Variants in KIF20B observed in about 807,000 individuals in gnomAD.
KIF20B encodes kinesin family member 20B.
Under a neutral mutation model 232.5 loss-of-function variants are expected in KIF20B, and 188 were observed. That is an observed-to-expected ratio of 0.81 (90% CI 0.72 to 0.91). KIF20B has a LOEUF of 0.91. Among genes scored for constraint, KIF20B ranks in the 40% least tolerant of loss-of-function variants. KIF20B has a pLI of 0.00. For synonymous variants in KIF20B, 712 were observed against 683.0 expected, an observed-to-expected ratio of 1.04 and a Z score of -0.66; for missense variants, 2,154 against 2,055.9, an observed-to-expected ratio of 1.05 and a Z score of -0.92.
chr10:89,747,181 A>G (rs1407147797), intron 23 of KIF20B, among the ~76,000 whole-genome samples: 2 of 152,228 alleles, frequency 1.3e-5, no homozygotes, highest in Non-Finnish European at 1.5e-5. Flanking sequence ...CAAAACCACA[A>G]TGAGATATCA....
intron 21 of KIF20B, among the ~76,000 whole-genome samples, chr10:89,740,844 T>C (rs1388640634): frequency 6.6e-6 from 1 of 152,070 alleles, no homozygotes; most frequent in Non-Finnish European, 1.5e-5. Flanking sequence ...TTTATTGTAT[T>C]GTTAAAGTCT....
chr10:89,773,902 A>G, intron 32 of KIF20B, 69 bp from the exon 33 acceptor site: 1 of 949,354 alleles, frequency 1.1e-6, no homozygotes, highest in Non-Finnish European at 1.6e-6. Context: ...TGTCTTACTC[A>G]TTATAAACAA....
chr10:89,738,231 A>G lies in KIF20B; in HGVS notation c.3390A>G (p.Glu1130=), dbSNP rs750396763. Residue 1130 remains glutamate (E), a synonymous_variant, in exon 20 of 33, where the codon GAA becomes GAG. Transcript: ENST00000371728. ...LIQQLKEELQ[E]KNVTLDVQIQ... ...AGCAGCTGAAAGAAGAATTGCAAGA[A>G]AAAAATGTTACTCTTGATGTTCAAA... 7.5e-6 allele frequency: 12 copies of G among 1,602,568 alleles called. No individual in the cohort carries two copies. Among genetic ancestry groups the G allele is most frequent in the Non-Finnish European group, 1.0e-5 (12 of 1,177,520 alleles).
chr10:89,769,708 A>C (rs531967417), intron 31 of KIF20B, among the ~76,000 whole-genome samples: 22 of 152,018 alleles, frequency 1.4e-4, no homozygotes, highest in African/African-American at 5.3e-4. Context: ...TGCGGAAGGA[A>C]TGGTTTTAAC....
intron 25 of KIF20B, among the ~76,000 whole-genome samples, chr10:89,753,670 G>A (rs981941181): frequency 1.3e-5 from 2 of 152,102 alleles, no homozygotes; most frequent in Admixed American, 1.3e-4. Flanking sequence ...TGCCAGGCTG[G>A]AGTGCAGTGA....
rs1023747620 is a variant in KIF20B at position 89,758,765 on chromosome 10, A to G, written c.4563A>G (p.Glu1521=). Residue 1521 remains glutamate, a synonymous_variant, in exon 27 of 33, where the codon GAA becomes GAG. Coordinates refer to ENST00000371728, the MANE Select transcript of KIF20B (RefSeq NM_001284259.2). The part of the protein sequence containing the change: ...KDSDLQKWRE[E]RDQLVAALEI... ...GTGACCTTCAAAAGTGGCGAGAAGA[A>G]CGAGATCAACTGGTTGCAGCTTTAG... 1.9e-6 allele frequency: 3 copies of G among 1,608,550 alleles called. No individual in the cohort carries two copies. In the African/African-American group the frequency reaches 4.0e-5, roughly 22 times the overall value.
chr10:89,709,212 A>T lies in KIF20B; in HGVS notation c.193A>T (p.Ile65Leu). Reference protein sequence around the residue: ...SKDYLQVCLRIRPFTQSEKEL... With the variant: ...SKDYLQVCLRLRPFTQSEKEL... Reference sequence around the variant, plus strand: ...AGATTATCTCCAGGTTTGTCTTCGAATAAGACCATTTACACAGTCAGAAAA... The same window carrying T: ...AGATTATCTCCAGGTTTGTCTTCGATTAAGACCATTTACACAGTCAGAAAA... Residue 65 changes from isoleucine to leucine, a missense_variant, in exon 3 of 33, where the codon ATA (isoleucine) becomes TTA (leucine). Transcript: ENST00000371728. 6.2e-7 allele frequency: 1 copy of T among 1,611,472 alleles called. No homozygotes were observed. The highest frequency in any genetic ancestry group is 8.5e-7 in the Non-Finnish European group (1 of 1,178,334).
rs762447837 is a variant in KIF20B at position 89,726,299 on chromosome 10, C to T, written c.2008C>T (p.His670Tyr). 3.2e-6 allele frequency: 5 copies of T among 1,545,678 alleles called. No homozygotes were observed. The highest frequency in any genetic ancestry group is 4.4e-6 in the Non-Finnish European group (5 of 1,144,774). The change falls in exon 16 of 33, where the codon CAT becomes TAT. Residue 670 changes from histidine (H) to tyrosine (Y), a missense_variant. Coordinates refer to ENST00000371728, the MANE Select transcript of KIF20B (RefSeq NM_001284259.2). ...CATKVETEET[H>Y]NYVGFEDIID... is the part of the protein sequence containing the mutation. ...TGGTTTTTGCTATTTTTAGGAAACA[C>T]ATAATTATGTAGGATTTGAAGATAT...
intron 5 of KIF20B, 47 bp from the exon 6 acceptor site, chr10:89,710,914 C>T: frequency 6.7e-7 from 1 of 1,482,148 alleles, no homozygotes; most frequent in East Asian, 2.4e-5. Context: ...AAAGTTTCCT[C>T]TTTCCTAGTA....
intron 26 of KIF20B, among the ~76,000 whole-genome samples, chr10:89,758,199 A>G (rs753247040): frequency 2.0e-5 from 3 of 152,052 alleles, no homozygotes; most frequent in Non-Finnish European, 4.4e-5. Context: ...ACATCTTAAC[A>G]ATATTGAGTA....
At chr10:89,755,917 C>T (rs1842110517) in intron 26 of KIF20B, among the ~76,000 whole-genome samples, 1 of 152,118 alleles carries the variant, frequency 6.6e-6, no homozygotes, top group Admixed American at 6.6e-5. Flanking sequence ...TGTTAATTTT[C>T]AATAAGGTAA....
At chr10:89,714,208 C>G in intron 7 of KIF20B, 125 bp downstream of exon 7, 1 of 413,672 alleles carries the variant, frequency 2.4e-6, no homozygotes, top group Non-Finnish European at 4.1e-6. Context: ...AGGCTGGGCG[C>G]GGTGGCTCAT....
intron 7 of KIF20B, among the ~76,000 whole-genome samples, chr10:89,714,293 A>AT (rs1564658413): frequency 6.6e-6 from 1 of 152,134 alleles, no homozygotes; most frequent in East Asian, 1.9e-4. Flanking sequence ...ATCCTGGCCA[A>AT]CATGATGAAA....
In KIF20B at chr10:89,757,059, T is replaced by C. The variant is rs1374125638; in HGVS notation, c.4504-1647T>C. ...GTGTGTGTATATATATATATATATATATATATATATACACACATGACAATT... is the reference window on the plus strand; with the variant it reads ...GTGTGTGTATATATATATATATATACATATATATATACACACATGACAATT... On this transcript the variant is annotated intron_variant, in intron 26 of 32. Coordinates refer to ENST00000371728, the MANE Select transcript of KIF20B (RefSeq NM_001284259.2). Among the ~76,000 whole-genome samples the C allele has an allele frequency of 1.4e-3, 185 of 136,572 alleles. 1 individual carries two copies. Among genetic ancestry groups the C allele is most frequent in the African/African-American group, 4.7e-3 (178 of 38,124 alleles). 89.6% of individuals were successfully genotyped at this position (136,572 alleles called of 152,430 possible). A position where few individuals can be genotyped will look rare whatever the true frequency, so the allele number is the denominator to read the frequency against.
At position 89,757,022 on chromosome 10, in the gene KIF20B, T is replaced by TTGTGTGTGTGTGTGTGTG. The variant is rs377304425; in HGVS notation, c.4504-1682_4504-1665dup. ...TGGTGCACATTTGCATATATCTCTG[T>TTGTGTGTGTGTGTGTGTG]TGTGTGTGTGTGTGTGTGTATATAT... On this transcript the variant is annotated intron_variant, in intron 26 of 32. Transcript: ENST00000371728. Among the ~76,000 whole-genome samples, 82 of 122,822 alleles carry TTGTGTGTGTGTGTGTGTG rather than the reference T, an allele frequency of 6.7e-4. 1 individual carries two copies. Among genetic ancestry groups the TTGTGTGTGTGTGTGTGTG allele is most frequent in the African/African-American group, 2.6e-3 (79 of 30,192 alleles). The allele number at this position is 122,822 out of a possible 152,430, so 80.6% of individuals were successfully genotyped here. A position where few individuals can be genotyped will look rare whatever the true frequency, so the allele number is the denominator to read the frequency against.
intron 30 of KIF20B, 80 bp downstream of exon 30, chr10:89,768,471 C>A: frequency 1.1e-6 from 1 of 879,250 alleles, no homozygotes; most frequent in South Asian, 1.6e-5. Context: ...TTTATCTTCT[C>A]TTTCCTATAC....
chr10:89,727,162 G>C (rs1163403586), intron 16 of KIF20B, among the ~76,000 whole-genome samples: 1 of 151,960 alleles, frequency 6.6e-6, no homozygotes, highest in Non-Finnish European at 1.5e-5. Context: ...ATTCACTGTT[G>C]GGATAGAGTG....
intron 14 of KIF20B, 49 bp from the exon 15 acceptor site, chr10:89,724,971 A>C (rs1238271866): frequency 6.4e-7 from 1 of 1,569,766 alleles, no homozygotes; most frequent in Admixed American, 1.8e-5. Context: ...ACAAAAACAC[A>C]AAGTAGTTCG....
chr10:89,740,347 G>A (rs1346280015), intron 21 of KIF20B, among the ~76,000 whole-genome samples: 1 of 151,756 alleles, frequency 6.6e-6, no homozygotes, highest in Non-Finnish European at 1.5e-5. Context: ...GGGATACACA[G>A]GACAGATTAA....
Sources: gnomAD v4.1 joint callset for allele counts (sites outside exome capture counted in the v4.1 genomes callset) on GRCh38, gnomAD v4.1.1 for gene constraint, MANE v1.5 for transcripts, NCBI Gene and HGNC (gene_info 2026-07-23, HGNC 2026-07-21) for gene names.